Variants in CELF2 observed in about 807,000 individuals in gnomAD.
The protein encoded by CELF2 is CUGBP Elav-like family member 2, also known as CUG triplet repeat RNA-binding protein 2.
Under a neutral mutation model 62.6 loss-of-function variants are expected in CELF2, and 8 were observed. The observed-to-expected ratio is 0.13, with a 90% CI of 0.07 to 0.23. The LOEUF (loss-of-function observed/expected upper bound fraction) is 0.23. Among genes scored for constraint, CELF2 ranks in the 10% least tolerant of loss-of-function variants. The pLI, the probability that CELF2 is intolerant of heterozygous loss-of-function variation, is 1.00. For synonymous variants in CELF2, 258 were observed against 250.0 expected (o/e 1.03, Z -0.30); for missense variants, 333 against 671.0 (o/e 0.50, Z 5.56).
chr10:11,069,802 T>C (rs2069260634), intron 1 of CELF2, among the ~76,000 whole-genome samples: 1 of 152,256 alleles, frequency 6.6e-6, no homozygotes, highest in South Asian at 2.1e-4. Context: ...AGCAAAACTA[T>C]GAGCCGTCAC....
At chr10:10,598,593 A>G in the CELF2 span, among the ~76,000 whole-genome samples, 1 of 152,148 alleles carries the variant, frequency 6.6e-6, no homozygotes, top group East Asian at 1.9e-4. Context: ...TTATGAAGCT[A>G]CACATATCTG....
chr10:11,315,043 C>T lies in CELF2; in HGVS notation c.1096+785C>T, dbSNP rs539907014. Among the ~76,000 whole-genome samples the T allele has an allele frequency of 1.3e-5, 2 of 152,116 alleles. No homozygotes were observed. Among genetic ancestry groups the T allele is most frequent in the South Asian group, 4.2e-4 (2 of 4,784 alleles). ...GAACTGCAGGTTCTGTCCTCCACAGCCCACCCGCTCCTGTCATTCTCGGTT... is the reference window on the plus strand; with the variant it reads ...GAACTGCAGGTTCTGTCCTCCACAGTCCACCCGCTCCTGTCATTCTCGGTT... On this transcript the variant is annotated intron_variant, in intron 10 of 12. Coordinates refer to ENST00000633077, the MANE Select transcript of CELF2 (RefSeq NM_001326342.2). This position sits in a 1 kb window ranked among gnomAD's most constrained non-coding sequence, Gnocchi z 5.8.
intron 1 of CELF2, among the ~76,000 whole-genome samples, chr10:10,897,168 A>G (rs1189400640): frequency 2.0e-5 from 3 of 152,212 alleles, no homozygotes; most frequent in Non-Finnish European, 2.9e-5. Flanking sequence ...CAGAGAAAGC[A>G]TCTATCATTT....
At chr10:10,702,572 C>T in the CELF2 span, among the ~76,000 whole-genome samples, 6 of 152,116 alleles carry the variant, frequency 3.9e-5, no homozygotes, top group Non-Finnish European at 7.4e-5. Context: ...TTTTGGGTAA[C>T]AAAATTTTAT....
chr10:11,105,965 A>G (rs2053326745), intron 1 of CELF2, among the ~76,000 whole-genome samples: 2 of 152,258 alleles, frequency 1.3e-5, no homozygotes, highest in Admixed American at 1.3e-4. Context: ...TGTAATGAGA[A>G]CAAAAAATCA....
chr10:10,520,497 T>C, the CELF2 span, among the ~76,000 whole-genome samples: 15 of 152,290 alleles, frequency 9.8e-5, no homozygotes, highest in African/African-American at 3.1e-4. Context: ...CTCGAGCTTC[T>C]ACTCAGCTAG....
chr10:10,487,167 T>A, the CELF2 span, among the ~76,000 whole-genome samples: 1 of 152,220 alleles, frequency 6.6e-6, no homozygotes, highest in East Asian at 1.9e-4. Flanking sequence ...TGTCTTCTTT[T>A]GTCCTTTCAA....
Position 11,217,421 on chromosome 10 carries a change from G to A in CELF2, c.272-4G>A, listed in dbSNP as rs1433777914. On this transcript the variant is annotated splice_region_variant and splice_polypyrimidine_tract_variant and intron_variant, in intron 2 of 12. Coordinates refer to ENST00000633077, the MANE Select transcript of CELF2 (RefSeq NM_001326342.2). The surrounding 1 kb of genome is among the most constrained non-coding windows in gnomAD (Gnocchi z 5.6). ...TTCTAAAACCTTTTCATTTCTCTCT[G>A]TAGGTTGTTGTTTCGTAACATTTTA... 3 of 1,607,308 alleles carry A rather than the reference G, an allele frequency of 1.9e-6. No homozygotes were observed. Among genetic ancestry groups the A allele is most frequent in the Non-Finnish European group, 2.6e-6 (3 of 1,174,514 alleles).
At chr10:10,836,154 G>A (rs145706779) in intron 1 of CELF2, among the ~76,000 whole-genome samples, 104 of 152,204 alleles carry the variant, frequency 6.8e-4, no homozygotes, top group African/African-American at 2.5e-3. Flanking sequence ...AAATCAAACT[G>A]ATGGAAATAA....
chr10:11,224,765 A>C lies in CELF2; in HGVS notation c.354+7258A>C, dbSNP rs2065930757. 6.6e-6 allele frequency among the ~76,000 whole-genome samples: 1 copy of C among 152,184 alleles called. No individual in the cohort carries two copies. Among genetic ancestry groups the C allele is most frequent in the African/African-American group, 2.4e-5 (1 of 41,442 alleles). Reference sequence around the variant, plus strand: ...AACTCAGGAGATGATGTCCAGGTGAAGTGCGCTCGTGAGTTCGGAGCCTGG... The same window carrying C: ...AACTCAGGAGATGATGTCCAGGTGACGTGCGCTCGTGAGTTCGGAGCCTGG... On this transcript the variant is annotated intron_variant, in intron 3 of 12. Coordinates refer to ENST00000633077, the MANE Select transcript of CELF2 (RefSeq NM_001326342.2). This position sits in a 1 kb window ranked among gnomAD's most constrained non-coding sequence, Gnocchi z 4.5.
At chr10:10,792,842 T>G in the CELF2 span, among the ~76,000 whole-genome samples, 5 of 152,214 alleles carry the variant, frequency 3.3e-5, no homozygotes, top group Non-Finnish European at 7.3e-5. Context: ...GTGATTCCTT[T>G]GAATGGTATG....
chr10:10,564,723 A>G, the CELF2 span, among the ~76,000 whole-genome samples: 1 of 151,670 alleles, frequency 6.6e-6, no homozygotes, highest in South Asian at 2.1e-4. Flanking sequence ...CTCCACGAAG[A>G]AAAGCAGCCA....
At chr10:10,614,036 G>A in the CELF2 span, among the ~76,000 whole-genome samples, 1 of 152,076 alleles carries the variant, frequency 6.6e-6, no homozygotes, top group Non-Finnish European at 1.5e-5. Context: ...GTCAGAATGA[G>A]GAAATAAACA....
At chr10:10,562,822 C>G in the CELF2 span, among the ~76,000 whole-genome samples, 1 of 150,906 alleles carries the variant, frequency 6.6e-6, no homozygotes, top group African/African-American at 2.5e-5. Flanking sequence ...TCCCTGCCCT[C>G]CACAGCCGTA....
intron 1 of CELF2, among the ~76,000 whole-genome samples, chr10:10,805,431 C>T (rs2055115202): frequency 6.6e-6 from 1 of 152,206 alleles, no homozygotes; most frequent in Admixed American, 6.5e-5. Flanking sequence ...TTTGAAGAAT[C>T]ATGACTCAGT....
intron 2 of CELF2, among the ~76,000 whole-genome samples, chr10:11,206,713 C>A (rs1416978834): frequency 6.6e-6 from 1 of 152,208 alleles, no homozygotes; most frequent in African/African-American, 2.4e-5. Flanking sequence ...TTCTTCCTTA[C>A]CTTCAGAGAA....
chr10:11,101,651 C>T (rs1249784630), intron 1 of CELF2, among the ~76,000 whole-genome samples: 2 of 152,218 alleles, frequency 1.3e-5, no homozygotes, highest in African/African-American at 4.8e-5. Flanking sequence ...GCTGTGCTTT[C>T]CACACAGCAA....
intron 1 of CELF2, among the ~76,000 whole-genome samples, chr10:10,830,413 A>C (rs2057753687): frequency 6.6e-6 from 1 of 152,148 alleles, no homozygotes. Context: ...CTTTACCTTA[A>C]TACCAGTCTA....
chr10:11,273,687 C>T (rs903044082), intron 7 of CELF2, among the ~76,000 whole-genome samples: 2 of 151,982 alleles, frequency 1.3e-5, no homozygotes, highest in Non-Finnish European at 1.5e-5. Context: ...GATTGTTTCA[C>T]GAGCCCCAAA....
Sources: allele counts gnomAD v4.1 joint callset (sites outside exome capture counted in the v4.1 genomes callset), GRCh38; gene constraint gnomAD v4.1.1; non-coding constraint Gnocchi (gnomAD v3.1); transcripts MANE v1.5; gene names NCBI Gene and HGNC (gene_info 2026-07-23, HGNC 2026-07-21).